The following KIF9 variants were observed in gnomAD, a reference collection of about 807,000 sequenced individuals.
The protein encoded by KIF9 is kinesin-like protein KIF9.
Under a neutral mutation model 94.8 loss-of-function variants are expected in KIF9, and 68 were observed. That is an observed-to-expected ratio of 0.72 (90% confidence interval 0.59 to 0.88). KIF9 has a LOEUF of 0.88. Ranked by LOEUF, KIF9 falls within the 40% of genes least tolerant of loss-of-function variation. The probability of loss-of-function intolerance (pLI) is 0.00; values close to 1 mark genes in which losing one functional copy is unlikely to be tolerated. For synonymous variants in KIF9, 343 were observed against 362.1 expected (o/e 0.95, Z 0.60); for missense variants, 882 against 982.5 (o/e 0.90, Z 1.37).
chr3:47,246,337 C>G (rs909353127), intron 12 of KIF9, 85 bp from the exon 13 acceptor site: 1 of 1,111,752 alleles, frequency 9.0e-7, no homozygotes, highest in Non-Finnish European at 1.3e-6. Flanking sequence ...GAAATCAAGA[C>G]CCCTTGGCTG....
At chr3:47,249,054 C>T (rs1700103789) in intron 10 of KIF9, among the ~76,000 whole-genome samples, 1 of 149,604 alleles carries the variant, frequency 6.7e-6, no homozygotes. Context: ...GCTTTCTATG[C>T]ATGGTTATAA....
intron 9 of KIF9, among the ~76,000 whole-genome samples, chr3:47,260,356 G>A (rs908971263): frequency 7.3e-5 from 11 of 151,620 alleles, no homozygotes; most frequent in Admixed American, 2.0e-4. Flanking sequence ...AGAGGCTGGC[G>A]GGATCCTCCA....
Position 47,265,895 on chromosome 3 carries a change from G to A in KIF9, c.769-18C>T. 2 of 1,614,028 alleles carry A rather than the reference G, an allele frequency of 1.2e-6. No homozygotes were observed. Among genetic ancestry groups the A allele is most frequent in the South Asian group, 1.1e-5 (1 of 91,068 alleles). ...CCCTCAGACTACAAAGCAAAGGTCA[G>A]TTCCACTTTGGATGGAATAAAGCAG... On this transcript the variant is annotated intron_variant, in intron 7 of 20. Transcript: ENST00000684063.
At chr3:47,259,570 G>A (rs1241660629) in intron 9 of KIF9, among the ~76,000 whole-genome samples, 1 of 151,948 alleles carries the variant, frequency 6.6e-6, no homozygotes, top group East Asian at 1.9e-4. Context: ...TTGTTACTGT[G>A]TCTGTGTAGA....
chr3:47,240,024 C>T, intron 17 of KIF9: 1 of 1,017,286 alleles, frequency 9.8e-7, no homozygotes. Context: ...GTCCTGGGCC[C>T]TGCTCCATCT....
chr3:47,251,455 T>C (rs1206302479), intron 10 of KIF9, among the ~76,000 whole-genome samples: 1 of 152,120 alleles, frequency 6.6e-6, no homozygotes. Flanking sequence ...TCCCAGCTAC[T>C]CAGCAGGCTG....
At chr3:47,229,516 G>A (rs1698395932) in intron 20 of KIF9, among the ~76,000 whole-genome samples, 1 of 152,060 alleles carries the variant, frequency 6.6e-6, no homozygotes, top group African/African-American at 2.4e-5. Flanking sequence ...TGAAAAATCT[G>A]ATCTATATGT....
chr3:47,277,371 C>A lies in KIF9; in HGVS notation c.4G>T (p.Gly2Cys), dbSNP rs1396617036. The stretch of plus-strand genomic sequence containing the variant: ...AATGCATGAACTTTTTTCCTAGTAC[C>A]CATTCTAGCTAAAAAGAAGGGAACA... M[G>C]TRKKVHAFVR... Residue 2 changes from glycine (G) to cysteine (C), a missense_variant, in exon 2 of 21, where the codon GGT becomes TGT. Gly to Cys is a radical substitution (Grantham distance 159). Coordinates refer to ENST00000684063, the MANE Select transcript of KIF9 (RefSeq NM_182902.4). 1.9e-6 allele frequency: 3 copies of A among 1,611,080 alleles called. No individual in the cohort carries two copies. Among genetic ancestry groups the A allele is most frequent in the Non-Finnish European group, 2.5e-6 (3 of 1,177,744 alleles).
At position 47,275,347 on chromosome 3, in the gene KIF9, A is replaced by G. The variant is rs1310826325; in HGVS notation, c.237T>C (p.Ser79=). The change falls in exon 3 of 21, where the codon TCT becomes TCC. Residue 79 remains serine (S), a synonymous_variant. Transcript: ENST00000684063. ...VYETVAKDVV[S]QALDGYNGTI... is the part of the protein sequence containing the mutation. Reference sequence around the variant, plus strand: ...TACCATTATAGCCATCGAGGGCCTGAGAAACCACATCCTTTGCAACTGTCT... The same window carrying G: ...TACCATTATAGCCATCGAGGGCCTGGGAAACCACATCCTTTGCAACTGTCT... 12 of 1,612,674 alleles carry G rather than the reference A, an allele frequency of 7.4e-6. No individual in the cohort carries two copies. The highest frequency in any genetic ancestry group is 9.3e-6 in the Non-Finnish European group (11 of 1,179,574).
At position 47,235,526 on chromosome 3, in the gene KIF9, T is replaced by C; in HGVS notation, c.2309A>G (p.Lys770Arg). The C allele has an allele frequency of 6.2e-7, 1 of 1,613,248 alleles. No individual in the cohort carries two copies. The highest frequency in any genetic ancestry group is 1.7e-5 in the Admixed American group (1 of 60,028). Residue 770 changes from lysine to arginine, a missense_variant, in exon 20 of 21, where the codon AAG becomes AGG. Lys to Arg is a conservative substitution (Grantham distance 26). Transcript: ENST00000684063. ...CCTCTGAGTTACCTTCTGCTCTATCTTGACTTTGGCATTGTAGAAGGAGAT... is the reference window on the plus strand; with the variant it reads ...CCTCTGAGTTACCTTCTGCTCTATCCTGACTTTGGCATTGTAGAAGGAGAT... ...DSISFYNAKV[K>R]IEQKHNYLKT...
At chr3:47,276,798 A>G (rs1702001650) in intron 2 of KIF9, among the ~76,000 whole-genome samples, 1 of 152,188 alleles carries the variant, frequency 6.6e-6, no homozygotes, top group Non-Finnish European at 1.5e-5. Flanking sequence ...CTGAATGAAA[A>G]TATCTAACAC....
intron 8 of KIF9, 120 bp from the exon 9 acceptor site, chr3:47,264,470 T>G (rs1576046267): frequency 1.4e-6 from 1 of 734,478 alleles, no homozygotes; most frequent in East Asian, 2.7e-5. Context: ...AGGGTCTCAC[T>G]ATGTCACCCA....
intron 9 of KIF9, 95 bp from the exon 10 acceptor site, chr3:47,257,655 G>T: frequency 9.9e-7 from 1 of 1,006,696 alleles, no homozygotes; most frequent in Non-Finnish European, 1.5e-6. Context: ...CCCTTTCCTG[G>T]CTCCTTAAGC....
chr3:47,236,007 C>T (rs540169750), intron 19 of KIF9, 27 bp downstream of exon 19: 2 of 1,540,672 alleles, frequency 1.3e-6, no homozygotes, highest in South Asian at 2.2e-5. Flanking sequence ...TCAACCACTG[C>T]CACACCCCTG....
chr3:47,236,029 C>T lies in KIF9; in HGVS notation c.2217+5G>A. The T allele has an allele frequency of 6.2e-7, 1 of 1,610,040 alleles. No homozygotes were observed. The highest frequency in any genetic ancestry group is 8.5e-7 in the Non-Finnish European group (1 of 1,176,414). On this transcript the variant is annotated splice_donor_5th_base_variant and intron_variant, in intron 19 of 20. Transcript: ENST00000684063. ...CTGCCACACCCCTGCCCCTGTGCCGCTCACCAGAGACACAATCCTGTTCAC... is the reference window on the plus strand; with the variant it reads ...CTGCCACACCCCTGCCCCTGTGCCGTTCACCAGAGACACAATCCTGTTCAC...
At position 47,266,632 on chromosome 3, in the gene KIF9, G is replaced by A. The variant is rs149527679; in HGVS notation, c.768+344C>T. Among the ~76,000 whole-genome samples, 33 of 152,258 alleles carry A rather than the reference G, an allele frequency of 2.2e-4. No homozygotes were observed. The East Asian group carries it at 3.7e-3, about 17-fold the overall frequency. On this transcript the variant is annotated intron_variant, in intron 7 of 20. Transcript: ENST00000684063. ...TGTACCCCAGCCTGGGAGACACGGC[G>A]AGACTGTGTCTCAAAACAACAACAA...
chr3:47,235,535 G>C lies in KIF9; in HGVS notation c.2300C>G (p.Ala767Gly). The change falls in exon 20 of 21, where the codon GCC becomes GGC. Residue 767 changes from alanine to glycine, a missense_variant. By Grantham distance (60) the Ala-to-Gly change is moderately conservative. Coordinates refer to ENST00000684063, the MANE Select transcript of KIF9 (RefSeq NM_182902.4). Reference protein sequence around the residue: ...EGPDSISFYNAKVKIEQKHNY... With the variant: ...EGPDSISFYNGKVKIEQKHNY... ...TACCTTCTGCTCTATCTTGACTTTGGCATTGTAGAAGGAGATGGAATCAGG... is the reference window on the plus strand; with the variant it reads ...TACCTTCTGCTCTATCTTGACTTTGCCATTGTAGAAGGAGATGGAATCAGG... The C allele has an allele frequency of 6.2e-7, 1 of 1,613,624 alleles. No individual in the cohort carries two copies. The highest frequency in any genetic ancestry group is 8.5e-7 in the Non-Finnish European group (1 of 1,179,552).
chr3:47,231,677 T>A (rs923477224), intron 20 of KIF9: 9 of 152,208 alleles, frequency 5.9e-5, no homozygotes, highest in African/African-American at 2.2e-4. Context: ...CGCCTCAGCC[T>A]CCCAAAGTAC....
intron 10 of KIF9, among the ~76,000 whole-genome samples, chr3:47,249,173 T>C (rs1700114694): frequency 7.1e-6 from 1 of 141,590 alleles, no homozygotes; most frequent in African/African-American, 2.6e-5. Flanking sequence ...TGAGATGGGG[T>C]CTCGCTCTGT....
Sources: allele counts gnomAD v4.1 joint callset (sites outside exome capture counted in the v4.1 genomes callset), GRCh38; gene constraint gnomAD v4.1.1; transcripts MANE v1.5; gene names NCBI Gene and HGNC (gene_info 2026-07-23, HGNC 2026-07-21).